The following MEOX2 variants were observed in gnomAD, a reference collection of about 807,000 sequenced individuals.
MEOX2 encodes mesenchyme homeobox 2.
In MEOX2, 11 loss-of-function variants were observed where a neutral mutation model predicts 27.0. That is an observed-to-expected ratio of 0.41 (90% CI 0.26 to 0.68). The LOEUF is 0.68. Among genes scored for constraint, MEOX2 ranks in the 30% least tolerant of loss-of-function variants. MEOX2 has a pLI of 0.33. For synonymous variants in MEOX2, 189 were observed against 155.4 expected (o/e 1.22, Z -1.61); for missense variants, 436 against 385.4 (o/e 1.13, Z -1.10).
intron 2 of MEOX2, among the ~76,000 whole-genome samples, chr7:15,613,995 GA>G (rs1485504401): frequency 6.6e-6 from 1 of 151,346 alleles, no homozygotes; most frequent in Non-Finnish European, 1.5e-5. Context: ...CCTTTTCTTA[GA>G]GTGTCTTTTG....
chr7:15,663,776 T>C (rs529398683), intron 1 of MEOX2, among the ~76,000 whole-genome samples: 4 of 152,202 alleles, frequency 2.6e-5, no homozygotes, highest in African/African-American at 2.4e-5. Flanking sequence ...AAGAGAGAGA[T>C]GGGCATAAGG....
chr7:15,662,689 G>T (rs563635860), intron 1 of MEOX2, among the ~76,000 whole-genome samples: 1 of 152,138 alleles, frequency 6.6e-6, no homozygotes, highest in Non-Finnish European at 1.5e-5. Flanking sequence ...AATGGAGCAG[G>T]CCCCCATTCC....
intron 1 of MEOX2, chr7:15,681,743 T>C (rs189245157): frequency 7.9e-5 from 12 of 151,882 alleles, no homozygotes; most frequent in Admixed American, 5.9e-4. Context: ...AAGATGTCAT[T>C]GTAAAGGTTT....
intron 1 of MEOX2, among the ~76,000 whole-genome samples, chr7:15,635,183 G>A (rs1781461225): frequency 6.6e-6 from 1 of 151,906 alleles, no homozygotes; most frequent in Non-Finnish European, 1.5e-5. Context: ...CAAAGTGGCT[G>A]AAGGGCTCAC....
chr7:15,681,793 T>C (rs1288008595), intron 1 of MEOX2: 1 of 151,780 alleles, frequency 6.6e-6, no homozygotes, highest in Non-Finnish European at 1.5e-5. Flanking sequence ...AAACTTTAAA[T>C]ACTAAGTTCT....
chr7:15,621,312 A>T (rs917425675), intron 2 of MEOX2, among the ~76,000 whole-genome samples: 14 of 152,360 alleles, frequency 9.2e-5, no homozygotes, highest in Non-Finnish European at 1.8e-4. Flanking sequence ...GCTCAGCTTC[A>T]TTCTAGTTTC....
intron 1 of MEOX2, among the ~76,000 whole-genome samples, chr7:15,674,139 C>A (rs941370532): frequency 1.3e-5 from 2 of 152,046 alleles, no homozygotes; most frequent in Non-Finnish European, 2.9e-5. Flanking sequence ...ATTAGCCGGT[C>A]CCTGTGTCAT....
At chr7:15,668,134 G>T (rs1415368374) in intron 1 of MEOX2, 5 of 152,152 alleles carry the variant, frequency 3.3e-5, no homozygotes, top group Non-Finnish European at 2.9e-5. Flanking sequence ...GAACAACAGG[G>T]GGTGGAAACT....
intron 2 of MEOX2, among the ~76,000 whole-genome samples, chr7:15,615,912 T>C (rs1781116960): frequency 6.6e-6 from 1 of 151,972 alleles, no homozygotes; most frequent in Non-Finnish European, 1.5e-5. Context: ...AGAAGGGATA[T>C]AGTAATTATA....
At chr7:15,627,974 C>G (rs1562597909) in intron 1 of MEOX2, among the ~76,000 whole-genome samples, 1 of 152,026 alleles carries the variant, frequency 6.6e-6, no homozygotes, top group Non-Finnish European at 1.5e-5. Context: ...CATGTACAAA[C>G]AAGCTGTGAT....
At chr7:15,617,724 G>A (rs1427222331) in intron 2 of MEOX2, among the ~76,000 whole-genome samples, 6 of 152,030 alleles carry the variant, frequency 3.9e-5, no homozygotes, top group Non-Finnish European at 7.4e-5. Flanking sequence ...CTTAAGTCCT[G>A]TTTACAGGGC....
chr7:15,650,812 C>G (rs1471815626), intron 1 of MEOX2, among the ~76,000 whole-genome samples: 4 of 151,980 alleles, frequency 2.6e-5, no homozygotes, highest in Non-Finnish European at 4.4e-5. Context: ...GGGATTTCCA[C>G]AGTGATTTAA....
Position 15,634,371 on chromosome 7 carries a change from A to G in MEOX2, c.518-7453T>C, listed in dbSNP as rs539308273. Among the ~76,000 whole-genome samples the G allele has an allele frequency of 9.2e-5, 14 of 152,028 alleles. No homozygotes were observed. The South Asian group carries it at 2.9e-3, about 32-fold the overall frequency. Reference sequence around the variant, plus strand: ...CACTGGATGCTTGTAGCAAACCTCAACCCTAATTTTAGTGTTGTCAGATAA... The same window carrying G: ...CACTGGATGCTTGTAGCAAACCTCAGCCCTAATTTTAGTGTTGTCAGATAA... On this transcript the variant is annotated intron_variant, in intron 1 of 2. Coordinates refer to ENST00000262041, the MANE Select transcript of MEOX2 (RefSeq NM_005924.5).
intron 1 of MEOX2, among the ~76,000 whole-genome samples, chr7:15,635,799 A>G (rs1445147228): frequency 6.6e-6 from 1 of 152,044 alleles, no homozygotes; most frequent in Non-Finnish European, 1.5e-5. Flanking sequence ...AAAAGTATCT[A>G]TGTGTTATTT....
intron 2 of MEOX2, among the ~76,000 whole-genome samples, chr7:15,613,697 A>G (rs947329457): frequency 1.3e-5 from 2 of 152,226 alleles, no homozygotes; most frequent in East Asian, 3.9e-4. Context: ...TGTTAGGTTT[A>G]TCAATGGAAT....
intron 1 of MEOX2, among the ~76,000 whole-genome samples, chr7:15,631,919 T>TGTGTGTGTGTGTGTGTGTGTGTGTGTGA (rs1346225146): frequency 1.3e-5 from 2 of 150,932 alleles, no homozygotes; most frequent in African/African-American, 4.9e-5. Flanking sequence ...TGTGTGTGTG[T>TGTGTGTGTGTGTGTGTGTGTGTGTGTGA]GTGTGTGTGT....
chr7:15,636,809 A>C (rs1017615897), intron 1 of MEOX2, among the ~76,000 whole-genome samples: 7 of 152,104 alleles, frequency 4.6e-5, no homozygotes, highest in African/African-American at 1.7e-4. Context: ...TCAAGGCAGC[A>C]ACATCTGGTG....
At chr7:15,622,371 C>T (rs1462963507) in intron 2 of MEOX2, among the ~76,000 whole-genome samples, 2 of 152,020 alleles carry the variant, frequency 1.3e-5, no homozygotes, top group Admixed American at 6.6e-5. Flanking sequence ...GAATCACACA[C>T]CCATATAAAA....
intron 1 of MEOX2, among the ~76,000 whole-genome samples, chr7:15,653,340 G>A (rs991454315): frequency 7.2e-5 from 11 of 151,736 alleles, no homozygotes; most frequent in African/African-American, 2.7e-4. Flanking sequence ...TTTTTTTATT[G>A]TTGAGACTTG....
Sources: gnomAD v4.1 joint callset for allele counts (sites outside exome capture counted in the v4.1 genomes callset) on GRCh38, gnomAD v4.1.1 for gene constraint, MANE v1.5 for transcripts, NCBI Gene and HGNC (gene_info 2026-07-23, HGNC 2026-07-21) for gene names.